Variants in MTSS2 observed in about 807,000 individuals in gnomAD.
The protein encoded by MTSS2 is protein MTSS 2.
Under a neutral mutation model 67.1 loss-of-function variants are expected in MTSS2, and 27 were observed. That is an observed-to-expected ratio of 0.40 (90% CI 0.30 to 0.55). The LOEUF is 0.55. Among genes scored for constraint, MTSS2 ranks in the 20% least tolerant of loss-of-function variants. The pLI is 0.43. For synonymous variants in MTSS2, 624 were observed against 468.6 expected (o/e 1.33, Z -4.28); for missense variants, 1,171 against 1,067.8 (o/e 1.10, Z -1.35).
At position 70,663,796 on chromosome 16, in the gene MTSS2, T is replaced by C. The variant is rs1032701424; in HGVS notation, c.2125A>G (p.Thr709Ala). The C allele has an allele frequency of 8.6e-6, 11 of 1,272,330 alleles. No individual in the cohort carries two copies. Among genetic ancestry groups the C allele is most frequent in the Middle Eastern group, 3.1e-4 (1 of 3,278 alleles). 78.8% of individuals were successfully genotyped at this position (1,272,330 alleles called of 1,614,324 possible). The change falls in exon 15 of 15, where the codon ACC (threonine) becomes GCC (alanine). Residue 709 changes from threonine to alanine, a missense_variant. Thr to Ala is a moderately conservative substitution (Grantham distance 58). This residue lies in a region of MTSS2 where 924 missense variants were observed against 756.0 expected (regional missense o/e 1.22). Transcript: ENST00000338779. ...LSATPTEETP[T>A]PPPAATSDPP... The stretch of plus-strand genomic sequence containing the variant: ...TCGCTGGTGGCGGCTGGGGGTGGGG[T>C]GGGCGTCTCCTCCGTGGGGGTGGCC...
At chr16:70,674,634 G>A (rs961421362) in intron 10 of MTSS2, 106 bp from the exon 11 acceptor site, 1 of 933,992 alleles carries the variant, frequency 1.1e-6, no homozygotes, top group Admixed American at 2.2e-5. Flanking sequence ...GAGGGGCAAA[G>A]GAAGGAAAAG....
chr16:70,664,361 G>A lies in MTSS2; in HGVS notation c.1560C>T (p.Asn520=), dbSNP rs749910889. 2.1e-5 allele frequency: 34 copies of A among 1,594,538 alleles called. No homozygotes were observed. The highest frequency in any genetic ancestry group is 1.7e-4 in the Middle Eastern group (1 of 5,976). ...GGCGGTAGTTCTGGGCGATGTTGCTGTTGCGCGGGATGGTGGATGACTTGT... is the reference window on the plus strand; with the variant it reads ...GGCGGTAGTTCTGGGCGATGTTGCTATTGCGCGGGATGGTGGATGACTTGT... ...EFDKSSTIPR[N]SNIAQNYRRL... is the part of the protein sequence containing the mutation. The change falls in exon 15 of 15, where the codon AAC becomes AAT. Residue 520 remains asparagine, a synonymous_variant. Transcript: ENST00000338779.
intron 1 of MTSS2, among the ~76,000 whole-genome samples, chr16:70,682,396 C>T (rs995983805): frequency 2.6e-5 from 4 of 151,716 alleles, no homozygotes; most frequent in African/African-American, 9.7e-5. Flanking sequence ...CCTGGACCCC[C>T]ACCCCCACTC....
intron 1 of MTSS2, among the ~76,000 whole-genome samples, chr16:70,683,575 G>C (rs1041066206): frequency 6.6e-6 from 1 of 152,234 alleles, no homozygotes; most frequent in Non-Finnish European, 1.5e-5. Context: ...CCAGAACTAT[G>C]ACCTTTGGCA....
At chr16:70,680,453 A>C (rs1016444720) in intron 3 of MTSS2, among the ~76,000 whole-genome samples, 2 of 152,186 alleles carry the variant, frequency 1.3e-5, no homozygotes, top group African/African-American at 4.8e-5. Context: ...GCCAAGCCCA[A>C]CGGCGCGCTC....
chr16:70,670,591 G>A (rs190801971), intron 11 of MTSS2, among the ~76,000 whole-genome samples: 17 of 152,182 alleles, frequency 1.1e-4, no homozygotes, highest in African/African-American at 3.9e-4. Flanking sequence ...CCTAAAACAT[G>A]GCTGAATCTC....
At position 70,663,735 on chromosome 16, in the gene MTSS2, C is replaced by T. The variant is rs761912285; in HGVS notation, c.2186G>A (p.Arg729His). 1.5e-4 allele frequency: 231 copies of T among 1,576,990 alleles called. No individual in the cohort carries two copies. Among genetic ancestry groups the T allele is most frequent in the South Asian group, 2.0e-4 (17 of 86,610 alleles). ...GACGGTCCTGCGGAGCCGGACCCCA[C>T]GCCGGATGGCCACCAGCATGTCTTC... ...PAEDMLVAIR[R>H]GVRLRRTVTN... Residue 729 changes from arginine to histidine, a missense_variant, in exon 15 of 15, where the codon CGT (arginine) becomes CAT (histidine). This residue lies in a region of MTSS2 where 924 missense variants were observed against 756.0 expected (regional missense o/e 1.22). Transcript: ENST00000338779.
intron 1 of MTSS2, among the ~76,000 whole-genome samples, chr16:70,684,380 T>A: frequency 1.1e-5 from 1 of 91,334 alleles, no homozygotes; most frequent in African/African-American, 4.2e-5. Context: ...GGGCAGGGGG[T>A]GGGGGGCATC....
rs146594262 is a variant in MTSS2, at chr16:70,664,274, C to A, written c.1647G>T (p.Thr549=). 3 of 1,557,280 alleles carry A rather than the reference C, an allele frequency of 1.9e-6. No individual in the cohort carries two copies. Among genetic ancestry groups the A allele is most frequent in the Non-Finnish European group, 2.6e-6 (3 of 1,159,156 alleles). ...GTGCGCCCGAGGGCAGGCCAGTGGCCGTGGGCAGCCCCGCGGTGGGCAGCC... is the reference window on the plus strand; with the variant it reads ...GTGCGCCCGAGGGCAGGCCAGTGGCAGTGGGCAGCCCCGCGGTGGGCAGCC... The part of the protein sequence containing the change: ...TAGLPTAGLP[T]ATGLPSGAPP... Residue 549 remains threonine, a synonymous_variant, in exon 15 of 15, where the codon ACG becomes ACT. Coordinates refer to ENST00000338779, the MANE Select transcript of MTSS2 (RefSeq NM_138383.3).
rs565063933 is a variant in MTSS2, at chr16:70,663,722, G to A, written c.2199C>T (p.Leu733=). The A allele has an allele frequency of 3.8e-6, 6 of 1,584,420 alleles. No homozygotes were observed. The South Asian group carries it at 4.6e-5, about 12-fold the overall frequency. ...ACCTGTCGTTGGTGACGGTCCTGCG[G>A]AGCCGGACCCCACGCCGGATGGCCA... ...MLVAIRRGVR[L]RRTVTNDRSA... Residue 733 remains leucine (L), a synonymous_variant, in exon 15 of 15, where the codon CTC becomes CTT. Coordinates refer to ENST00000338779, the MANE Select transcript of MTSS2 (RefSeq NM_138383.3).
chr16:70,685,688 T>TCGCCGCGCGCCCGGCCC, intron 1 of MTSS2, 35 bp downstream of exon 1: 1 of 1,241,984 alleles, frequency 8.1e-7, no homozygotes, highest in South Asian at 1.9e-5. Flanking sequence ...CCCGCACCCG[T>TCGCCGCGCGCCCGGCCC]CGCCGCGCGC....
At chr16:70,671,826 A>G (rs1266144068) in intron 11 of MTSS2, among the ~76,000 whole-genome samples, 1 of 152,256 alleles carries the variant, frequency 6.6e-6, no homozygotes, top group Non-Finnish European at 1.5e-5. Flanking sequence ...TGCAGCATTT[A>G]GGATGCACTG....
intron 2 of MTSS2, 40 bp from the exon 3 acceptor site, chr16:70,680,907 G>GC (rs1555511258): frequency 5.8e-6 from 9 of 1,539,044 alleles, no homozygotes; most frequent in Non-Finnish European, 5.3e-6. Flanking sequence ...CGGTGGTTGG[G>GC]CGGGGGGGGG....
chr16:70,681,502 A>G (rs2142918032), intron 1 of MTSS2, among the ~76,000 whole-genome samples: 1 of 152,332 alleles, frequency 6.6e-6, no homozygotes, highest in South Asian at 2.1e-4. Context: ...CTGAAGGCAC[A>G]CCAGGTGTAG....
intron 9 of MTSS2, among the ~76,000 whole-genome samples, 161 bp downstream of exon 9, chr16:70,677,631 C>A (rs1470796523): frequency 6.6e-6 from 1 of 152,200 alleles, no homozygotes; most frequent in Non-Finnish European, 1.5e-5. Flanking sequence ...TGGGCAGGTG[C>A]TCCGGGATGG....
intron 11 of MTSS2, among the ~76,000 whole-genome samples, chr16:70,671,913 AC>A (rs2052950073): frequency 6.6e-6 from 1 of 152,246 alleles, no homozygotes; most frequent in African/African-American, 2.4e-5. Context: ...AAGGCATCAG[AC>A]AAAGCCAGAT....
intron 11 of MTSS2, among the ~76,000 whole-genome samples, chr16:70,670,554 T>G (rs1262876643): frequency 6.6e-6 from 1 of 152,180 alleles, no homozygotes; most frequent in Non-Finnish European, 1.5e-5. Flanking sequence ...GAATGCCATA[T>G]AGCAATGAGC....
intron 10 of MTSS2, among the ~76,000 whole-genome samples, chr16:70,675,209 G>C (rs2142846723): frequency 6.6e-6 from 1 of 152,142 alleles, no homozygotes; most frequent in East Asian, 1.9e-4. Flanking sequence ...GATTGCTTGA[G>C]TCCAGGAATT....
rs2052566766 is a variant in MTSS2, at chr16:70,663,441, A to AAAAC, written c.*232_*235dup. ...AGGAAGAGGAGGGACCGAAGAGCAT[A>AAAAC]AAACAGACCCCGAACCAGGCCCAGG... On this transcript the variant is annotated 3_prime_UTR_variant, in exon 15 of 15. Transcript: ENST00000338779. 1.4e-6 allele frequency: 1 copy of AAAAC among 703,272 alleles called. No individual in the cohort carries two copies. The highest frequency in any genetic ancestry group is 2.2e-6 in the Non-Finnish European group (1 of 450,762). 43.6% of individuals were successfully genotyped at this position (703,272 alleles called of 1,614,324 possible). A position where few individuals can be genotyped will look rare whatever the true frequency, so the allele number is the denominator to read the frequency against.
Sources: gnomAD v4.1 joint callset for allele counts (sites outside exome capture counted in the v4.1 genomes callset) on GRCh38, gnomAD v4.1.1 for gene constraint, gnomAD v4.1.1 regional missense constraint, MANE v1.5 for transcripts, NCBI Gene and HGNC (gene_info 2026-07-23, HGNC 2026-07-21) for gene names.